Variants in MICAL3 observed in about 807,000 individuals in gnomAD.
The protein encoded by MICAL3 is microtubule associated monooxygenase, calponin and LIM domain containing 3, also known as [F-actin]-monooxygenase MICAL3.
Under a neutral mutation model 207.4 loss-of-function variants are expected in MICAL3, and 62 were observed. That is an observed-to-expected ratio of 0.30 (90% CI 0.24 to 0.37). The LOEUF is 0.37. Ranked by LOEUF, MICAL3 falls within the 10% of genes least tolerant of loss-of-function variation. The probability of loss-of-function intolerance (pLI) is 1.00; values close to 1 mark genes in which losing one functional copy is unlikely to be tolerated. For synonymous variants in MICAL3, 1,077 were observed against 1,069.3 expected (o/e 1.01, Z -0.14); for missense variants, 2,368 against 2,635.6 (o/e 0.90, Z 2.22).
intron 29 of MICAL3, among the ~76,000 whole-genome samples, chr22:17,800,994 C>T (rs1222336035): frequency 6.6e-6 from 1 of 152,092 alleles, no homozygotes; most frequent in African/African-American, 2.4e-5. Context: ...CAGCAGCCCC[C>T]ACGTGGTGGG....
At chr22:17,875,330 C>T (rs1928178402) in intron 16 of MICAL3, 9 of 551,176 alleles carry the variant, frequency 1.6e-5, no homozygotes, top group Non-Finnish European at 2.7e-5. Context: ...TGGCTCCCTA[C>T]AGGAGACGGG....
chr22:17,791,660 G>A, intron 29 of MICAL3: 1 of 282,460 alleles, frequency 3.5e-6, no homozygotes, highest in Non-Finnish European at 6.8e-6. Context: ...TATGTACTAG[G>A]TCTCCTTGGA....
chr22:17,935,801 T>C, intron 1 of MICAL3, among the ~76,000 whole-genome samples: 1 of 152,170 alleles, frequency 6.6e-6, no homozygotes, highest in East Asian at 1.9e-4. Flanking sequence ...AAAACATCTA[T>C]GCAGCCAACA....
intron 19 of MICAL3, chr22:17,858,348 A>T: frequency 2.5e-6 from 1 of 398,950 alleles, no homozygotes; most frequent in Non-Finnish European, 3.4e-6. Context: ...TTTCATTATG[A>T]CTAATCTACT....
intron 16 of MICAL3, chr22:17,884,336 C>G: frequency 6.3e-7 from 1 of 1,593,612 alleles, no homozygotes; most frequent in Non-Finnish European, 8.5e-7. Context: ...GGACGGCTGG[C>G]TGGCCCCACG....
chr22:17,805,119 T>A (rs1355230863), intron 29 of MICAL3, among the ~76,000 whole-genome samples: 1 of 151,990 alleles, frequency 6.6e-6, no homozygotes, highest in Non-Finnish European at 1.5e-5. Flanking sequence ...GACCCCCAAG[T>A]GAGATGATGG....
chr22:17,976,966 C>T (rs1206801761), intron 1 of MICAL3, among the ~76,000 whole-genome samples: 1 of 151,980 alleles, frequency 6.6e-6, no homozygotes, highest in Non-Finnish European at 1.5e-5. Flanking sequence ...GCCACCATGC[C>T]CGGCTAATTT....
Position 17,876,841 on chromosome 22 carries a change from AGGTTAGG to A in MICAL3, c.2242-4825_2242-4819del, listed in dbSNP as rs1569109258. The A allele has an allele frequency of 6.6e-5, 9 of 137,240 alleles. 1 individual carries two copies. Among genetic ancestry groups the A allele is most frequent in the African/African-American group, 2.8e-4 (9 of 32,676 alleles). 8.5% of individuals were successfully genotyped at this position (137,240 alleles called of 1,614,324 possible). On this transcript the variant is annotated intron_variant, in intron 16 of 31. Transcript: ENST00000441493. ...GTTAGGGAGGTTATGGAGGTTAGGG[AGGTTAGG>A]GAGGTTATGGAGGTTAGGGAGGTTA...
At chr22:17,970,584 T>A (rs1010384131) in intron 1 of MICAL3, among the ~76,000 whole-genome samples, 2 of 152,216 alleles carry the variant, frequency 1.3e-5, no homozygotes, top group African/African-American at 2.4e-5. Context: ...GTATACATTT[T>A]AAAAAATCCA....
At chr22:17,931,987 T>C (rs1439028254) in intron 1 of MICAL3, among the ~76,000 whole-genome samples, 3 of 152,182 alleles carry the variant, frequency 2.0e-5, no homozygotes, top group African/African-American at 7.2e-5. Context: ...GCTTACCGTC[T>C]AGTGGAAAAT....
intron 19 of MICAL3, among the ~76,000 whole-genome samples, chr22:17,859,523 T>G (rs1489299017): frequency 8.3e-4 from 127 of 152,354 alleles, no homozygotes; most frequent in African/African-American, 2.7e-3. Context: ...AGTCTGTTTT[T>G]AATGCAGGCT....
intron 1 of MICAL3, among the ~76,000 whole-genome samples, chr22:17,943,599 A>G (rs544977976): frequency 1.3e-5 from 2 of 152,244 alleles, no homozygotes; most frequent in South Asian, 4.1e-4. Flanking sequence ...CAAGGTGCCC[A>G]AGGCTGCGCT....
chr22:17,991,125 G>A (rs1033177945), intron 1 of MICAL3, among the ~76,000 whole-genome samples: 1 of 152,256 alleles, frequency 6.6e-6, no homozygotes, highest in African/African-American at 2.4e-5. Flanking sequence ...GCCCTGCCAG[G>A]ACGTGCCACA....
chr22:17,996,134 TAAAAAAA>T (rs35369164), intron 1 of MICAL3, among the ~76,000 whole-genome samples: 3 of 93,618 alleles, frequency 3.2e-5, no homozygotes, highest in African/African-American at 1.3e-4. Context: ...TGTCTCAATT[TAAAAAAA>T]AAAAAAAAAA....
chr22:17,944,688 C>T (rs1300243950), intron 1 of MICAL3, among the ~76,000 whole-genome samples: 1 of 152,136 alleles, frequency 6.6e-6, no homozygotes, highest in Non-Finnish European at 1.5e-5. Context: ...GGCACTACAC[C>T]CTTTCACGTG....
chr22:17,990,994 G>T (rs1402814787), intron 1 of MICAL3, among the ~76,000 whole-genome samples: 8 of 152,230 alleles, frequency 5.3e-5, no homozygotes, highest in South Asian at 2.1e-4. Flanking sequence ...AAATGGCCTG[G>T]AGACAAGCAT....
At chr22:17,806,259 T>C (rs1393929402) in intron 29 of MICAL3, among the ~76,000 whole-genome samples, 2 of 152,216 alleles carry the variant, frequency 1.3e-5, no homozygotes, top group African/African-American at 4.8e-5. Flanking sequence ...TCAGGGTCTG[T>C]CCGGGAGAGC....
intron 1 of MICAL3, among the ~76,000 whole-genome samples, chr22:17,914,280 G>T (rs575033676): frequency 1.3e-5 from 2 of 152,174 alleles, no homozygotes; most frequent in Non-Finnish European, 2.9e-5. Flanking sequence ...GTGGAGGGGG[G>T]TGCTAAAGGA....
chr22:17,896,267 G>C lies in MICAL3; in HGVS notation c.1301C>G (p.Pro434Arg). The change falls in exon 9 of 32, where the codon CCT becomes CGT. Residue 434 changes from proline (P) to arginine (R), a missense_variant. By Grantham distance (103) the Pro-to-Arg change is moderately radical. This residue lies in a region of MICAL3 where 147 missense variants were observed against 137.7 expected (regional missense o/e 1.07). Coordinates refer to ENST00000441493, the MANE Select transcript of MICAL3 (RefSeq NM_015241.3). ...MVRSWSLGTS[P>R]LEVLAERESI... The stretch of plus-strand genomic sequence containing the variant: ...TTACCTCTCTGCCAGCACTTCCAAA[G>C]GGCTCGTTCCTAGAGACCAACTTCG... The C allele has an allele frequency of 6.4e-7, 1 of 1,556,918 alleles. No homozygotes were observed. The highest frequency in any genetic ancestry group is 1.9e-5 in the Admixed American group (1 of 51,930).
Sources: gnomAD v4.1 joint callset for allele counts (sites outside exome capture counted in the v4.1 genomes callset) on GRCh38, gnomAD v4.1.1 for gene constraint, gnomAD v4.1.1 regional missense constraint, MANE v1.5 for transcripts, NCBI Gene and HGNC (gene_info 2026-07-23, HGNC 2026-07-21) for gene names.